The following SLC9B1 variants were observed in gnomAD, a reference collection of about 807,000 sequenced individuals.
The protein encoded by SLC9B1 is sodium/hydrogen exchanger 9B1.
Under a neutral mutation model 51.7 loss-of-function variants are expected in SLC9B1, and 32 were observed. That is an observed-to-expected ratio of 0.62 (90% CI 0.47 to 0.83). The LOEUF is 0.83. Among genes scored for constraint, SLC9B1 ranks in the 40% least tolerant of loss-of-function variants. The pLI is 0.00. For missense variants in SLC9B1, 406 were observed against 613.2 expected, an observed-to-expected ratio of 0.66 and a Z score of 3.57; for synonymous variants, 145 against 212.7, an observed-to-expected ratio of 0.68 and a Z score of 2.77.
chr4:102,887,427 A>G (rs1428997872), intron 11 of SLC9B1: 1 of 959,044 alleles, frequency 1.0e-6, no homozygotes, highest in South Asian at 1.4e-5. Flanking sequence ...AGAAAGAAGT[A>G]TAATAATAAT....
At chr4:103,016,028 G>A (rs1327314958) in intron 1 of SLC9B1, among the ~76,000 whole-genome samples, 2 of 150,578 alleles carry the variant, frequency 1.3e-5, no homozygotes, top group Non-Finnish European at 2.9e-5. Context: ...CAGCTACTCA[G>A]GAAGCTGAGG....
chr4:102,956,605 A>G (rs537587550), intron 3 of SLC9B1, among the ~76,000 whole-genome samples: 1 of 152,266 alleles, frequency 6.6e-6, no homozygotes, highest in South Asian at 2.1e-4. Flanking sequence ...CCCTAGAAAG[A>G]CAGGCTAAAA....
chr4:102,970,550 C>A (rs1449103010), intron 3 of SLC9B1, among the ~76,000 whole-genome samples: 2 of 152,122 alleles, frequency 1.3e-5, no homozygotes, highest in Admixed American at 1.3e-4. Flanking sequence ...ATTATAAAGA[C>A]CATCGATCCT....
At chr4:102,929,497 A>G (rs1323344084) in intron 7 of SLC9B1, among the ~76,000 whole-genome samples, 1 of 149,620 alleles carries the variant, frequency 6.7e-6, no homozygotes, top group African/African-American at 2.4e-5. Context: ...AGTGTTTGGC[A>G]TAGTAGCCGG....
At chr4:102,912,120 G>A in intron 7 of SLC9B1, 1 of 147,022 alleles carries the variant, frequency 6.8e-6, no homozygotes, top group Non-Finnish European at 1.4e-5. Context: ...GTGAAAGACG[G>A]AGGCCACACC....
intron 11 of SLC9B1, among the ~76,000 whole-genome samples, chr4:102,905,159 G>GAAAATA (rs1054909437): frequency 5.3e-5 from 8 of 151,478 alleles, no homozygotes; most frequent in Admixed American, 5.3e-4. Flanking sequence ...GTCTCAAAAT[G>GAAAATA]AAAATAAAAA....
At chr4:102,992,697 T>A (rs566396167) in intron 1 of SLC9B1, among the ~76,000 whole-genome samples, 93 of 152,320 alleles carry the variant, frequency 6.1e-4, no homozygotes, top group Non-Finnish European at 9.7e-4. Flanking sequence ...TAAATTCCTT[T>A]AAAGTGTAGT....
intron 1 of SLC9B1, among the ~76,000 whole-genome samples, chr4:103,007,792 A>G (rs1419150784): frequency 2.0e-5 from 3 of 151,750 alleles, no homozygotes; most frequent in South Asian, 2.1e-4. Flanking sequence ...GGGTCTCCCT[A>G]TGTTGCCCAG....
chr4:102,917,993 G>A (rs762744563), intron 7 of SLC9B1, among the ~76,000 whole-genome samples: 1 of 150,484 alleles, frequency 6.6e-6, no homozygotes, highest in Admixed American at 6.6e-5. Flanking sequence ...CACTTGAACC[G>A]GGAGGCAGAG....
intron 1 of SLC9B1, among the ~76,000 whole-genome samples, chr4:102,991,971 C>A (rs1402172633): frequency 6.6e-6 from 1 of 152,044 alleles, no homozygotes; most frequent in Non-Finnish European, 1.5e-5. Context: ...AATGCTGGCC[C>A]ATATCATAGA....
At chr4:102,921,232 C>G (rs932308986) in intron 7 of SLC9B1, among the ~76,000 whole-genome samples, 1 of 152,150 alleles carries the variant, frequency 6.6e-6, no homozygotes, top group African/African-American at 2.4e-5. Context: ...ACCCTGCAAG[C>G]CAGAAGTAAG....
At chr4:102,970,738 G>C (rs1467210901) in intron 3 of SLC9B1, among the ~76,000 whole-genome samples, 1 of 152,124 alleles carries the variant, frequency 6.6e-6, no homozygotes. Context: ...GTATTCAGGA[G>C]ACCCATCTCA....
At chr4:102,913,650 C>T (rs1373741306) in intron 7 of SLC9B1, among the ~76,000 whole-genome samples, 4 of 151,670 alleles carry the variant, frequency 2.6e-5, no homozygotes, top group African/African-American at 9.7e-5. Context: ...AGAAACCAAT[C>T]CTAAAGAAAT....
At chr4:102,907,975 A>G (rs1735136198) in intron 9 of SLC9B1, among the ~76,000 whole-genome samples, 1 of 151,974 alleles carries the variant, frequency 6.6e-6, no homozygotes, top group Non-Finnish European at 1.5e-5. Context: ...TTCTTTTATC[A>G]TTATGATTAT....
At chr4:102,919,747 T>C (rs540805568) in intron 7 of SLC9B1, among the ~76,000 whole-genome samples, 10 of 152,026 alleles carry the variant, frequency 6.6e-5, no homozygotes, top group South Asian at 2.1e-4. Context: ...GCAGACAAGA[T>C]GATTCTCTCC....
At chr4:102,976,898 C>A (rs1295103053) in intron 3 of SLC9B1, among the ~76,000 whole-genome samples, 3 of 152,082 alleles carry the variant, frequency 2.0e-5, no homozygotes, top group Admixed American at 1.3e-4. Context: ...TCTGTAATCC[C>A]AGAACTTTGG....
intron 7 of SLC9B1, among the ~76,000 whole-genome samples, chr4:102,925,864 C>T (rs1445850359): frequency 1.3e-5 from 2 of 152,084 alleles, no homozygotes; most frequent in Non-Finnish European, 2.9e-5. Context: ...ACTGGCAAAC[C>T]GAATCCAGCA....
At chr4:103,003,939 A>G (rs1740656532) in intron 1 of SLC9B1, among the ~76,000 whole-genome samples, 1 of 152,216 alleles carries the variant, frequency 6.6e-6, no homozygotes, top group Non-Finnish European at 1.5e-5. Context: ...AAAAGCAAAA[A>G]GCCCCATCTA....
At chr4:103,006,911 C>T (rs926402013) in intron 1 of SLC9B1, among the ~76,000 whole-genome samples, 1 of 152,166 alleles carries the variant, frequency 6.6e-6, no homozygotes, top group Non-Finnish European at 1.5e-5. Flanking sequence ...ACAGAAATGG[C>T]TTTTAATAAA....
Sources: gnomAD v4.1 joint callset for allele counts (sites outside exome capture counted in the v4.1 genomes callset) on GRCh38, gnomAD v4.1.1 for gene constraint, MANE v1.5 for transcripts, NCBI Gene and HGNC (gene_info 2026-07-23, HGNC 2026-07-21) for gene names.